The following STAT1 variants were observed in gnomAD, a reference collection of about 807,000 sequenced individuals.
The protein encoded by STAT1 is signal transducer and activator of transcription 1.
In STAT1, 24 loss-of-function variants were observed where a neutral mutation model predicts 111.7. That is an observed-to-expected ratio of 0.21 (90% CI 0.16 to 0.30). The LOEUF (loss-of-function observed/expected upper bound fraction) is 0.30. STAT1 is among the 10% of genes least tolerant of loss of function. The pLI is 1.00. For missense variants in STAT1, 351 were observed against 911.9 expected (o/e 0.38, Z 7.92); for synonymous variants, 332 against 326.5 (o/e 1.02, Z -0.18).
intron 2 of STAT1, among the ~76,000 whole-genome samples, chr2:191,013,068 C>A (rs142834386): frequency 4.4e-4 from 67 of 152,290 alleles, no homozygotes; most frequent in African/African-American, 9.1e-4. Context: ...TTTTTAACAT[C>A]TTATGGACCT....
chr2:191,010,299 T>A (rs1695023905), intron 2 of STAT1: 1 of 487,670 alleles, frequency 2.1e-6, no homozygotes, highest in Non-Finnish European at 4.2e-6. Flanking sequence ...CCTCCCACCC[T>A]GGAAACATGC....
Position 190,998,544 on chromosome 2 carries a change from C to A in STAT1, c.542-236G>T, listed in dbSNP as rs1694015621. On this transcript the variant is annotated intron_variant, in intron 7 of 24. Coordinates refer to ENST00000361099, the MANE Select transcript of STAT1 (RefSeq NM_007315.4). The surrounding 1 kb of genome is among the most constrained non-coding windows in gnomAD (Gnocchi z 4.1). Reference sequence around the variant, plus strand: ...GGGCGCAGTGGCAGACGCCTGTAGTCCCAGCTACTCGGGAGGCTGAGGCAG... The same window carrying A: ...GGGCGCAGTGGCAGACGCCTGTAGTACCAGCTACTCGGGAGGCTGAGGCAG... Among the ~76,000 whole-genome samples the A allele has an allele frequency of 6.6e-6, 1 of 152,022 alleles. No individual in the cohort carries two copies. The highest frequency in any genetic ancestry group is 1.5e-5 in the Non-Finnish European group (1 of 68,006).
rs1694510321 is a variant in STAT1, at chr2:191,004,287, C to T, written c.373-3124G>A. Among the ~76,000 whole-genome samples the T allele has an allele frequency of 6.6e-6, 1 of 152,228 alleles. No individual in the cohort carries two copies. Among genetic ancestry groups the T allele is most frequent in the Non-Finnish European group, 1.5e-5 (1 of 68,042 alleles). ...ACTGAAACCACGGGAATTTCAAACA[C>T]TGAAGTTGGAAGGGACTTCGGCTGT... On this transcript the variant is annotated intron_variant, in intron 5 of 24. Transcript: ENST00000361099. The surrounding 1 kb of genome is among the most constrained non-coding windows in gnomAD (Gnocchi z 5.0).
At chr2:190,985,757 G>A (rs1692753756) in intron 14 of STAT1, 97 bp from the exon 15 acceptor site, 2 of 1,270,320 alleles carry the variant, frequency 1.6e-6, no homozygotes, top group Non-Finnish European at 1.1e-6. Flanking sequence ...TAGAAAGAAT[G>A]ACAGACGTGA....
Position 190,980,578 on chromosome 2 carries a change from G to A in STAT1, c.1632+42C>T, listed in dbSNP as rs748920494. 1.0e-5 allele frequency: 16 copies of A among 1,603,616 alleles called. No individual in the cohort carries two copies. The East Asian group carries it at 2.9e-4, about 29-fold the overall frequency. On this transcript the variant is annotated intron_variant, in intron 19 of 24. Coordinates refer to ENST00000361099, the MANE Select transcript of STAT1 (RefSeq NM_007315.4). This position sits in a 1 kb window ranked among gnomAD's most constrained non-coding sequence, Gnocchi z 6.1. ...AGAAACATGAGAACCTCAACCAAGA[G>A]CAAAAAGGACTTAGAGAGCATAAAA... is the stretch of plus-strand genomic sequence containing the variant.
In STAT1 at chr2:190,975,642, A is replaced by G; in HGVS notation, c.2135+170T>C. On this transcript the variant is annotated intron_variant, in intron 23 of 24. Coordinates refer to ENST00000361099, the MANE Select transcript of STAT1 (RefSeq NM_007315.4). The surrounding 1 kb of genome is among the most constrained non-coding windows in gnomAD (Gnocchi z 5.9). ...GGTTTTTGGCTTTTTTTTTTTTTTT[A>G]AAGTAGTAAAATGCTGATAGGCAGT... 1 of 1,279,640 alleles carries G rather than the reference A, an allele frequency of 7.8e-7. No individual in the cohort carries two copies. The highest frequency in any genetic ancestry group is 1.6e-5 in the African/African-American group (1 of 63,510). 79.3% of individuals were successfully genotyped at this position (1,279,640 alleles called of 1,614,324 possible). A position where few individuals can be genotyped will look rare whatever the true frequency, so the allele number is the denominator to read the frequency against.
Position 190,993,379 on chromosome 2 carries a change from T to G in STAT1, c.944+1682A>C. 1 of 1,292,034 alleles carries G rather than the reference T, an allele frequency of 7.7e-7. No individual in the cohort carries two copies. Among genetic ancestry groups the G allele is most frequent in the Non-Finnish European group, 1.1e-6 (1 of 909,114 alleles). The allele number at this position is 1,292,034 out of a possible 1,614,324, so 80.0% of individuals were successfully genotyped here. ...TTTCCTGTTCTGCTGTGTTCCATATTTGAAGCTTGATTGTTTTCCCGTCTA... is the reference window on the plus strand; with the variant it reads ...TTTCCTGTTCTGCTGTGTTCCATATGTGAAGCTTGATTGTTTTCCCGTCTA... On this transcript the variant is annotated intron_variant, in intron 10 of 24. Coordinates refer to ENST00000361099, the MANE Select transcript of STAT1 (RefSeq NM_007315.4). The surrounding 1 kb of genome is among the most constrained non-coding windows in gnomAD (Gnocchi z 4.1).
rs1040045830 is a variant in STAT1 at position 191,012,020 on chromosome 2, G to C, written c.-2+1505C>G. On this transcript the variant is annotated intron_variant, in intron 2 of 24. Transcript: ENST00000361099. The surrounding 1 kb of genome is among the most constrained non-coding windows in gnomAD (Gnocchi z 4.0). Reference sequence around the variant, plus strand: ...TCCACCTCAGCCTCCCAAAGTGCTGGGATTACAGGCGTGAGCTTCCGCACC... The same window carrying C: ...TCCACCTCAGCCTCCCAAAGTGCTGCGATTACAGGCGTGAGCTTCCGCACC... Among the ~76,000 whole-genome samples, 1 of 151,796 alleles carries C rather than the reference G, an allele frequency of 6.6e-6. No homozygotes were observed. The highest frequency in any genetic ancestry group is 1.5e-5 in the Non-Finnish European group (1 of 67,950).
Position 191,000,174 on chromosome 2 carries a change from C to T in STAT1, c.463-470G>A, listed in dbSNP as rs1181287240. Among the ~76,000 whole-genome samples the T allele has an allele frequency of 6.6e-6, 1 of 152,256 alleles. No individual in the cohort carries two copies. The highest frequency in any genetic ancestry group is 1.5e-5 in the Non-Finnish European group (1 of 68,042). On this transcript the variant is annotated intron_variant, in intron 6 of 24. Coordinates refer to ENST00000361099, the MANE Select transcript of STAT1 (RefSeq NM_007315.4). The surrounding 1 kb of genome is among the most constrained non-coding windows in gnomAD (Gnocchi z 4.8). ...ATTATAAACAGTGCCCTCTTGGCGGCTCAAATGCATCTCCATCTGGACAAT... is the reference window on the plus strand; with the variant it reads ...ATTATAAACAGTGCCCTCTTGGCGGTTCAAATGCATCTCCATCTGGACAAT...
intron 4 of STAT1, among the ~76,000 whole-genome samples, chr2:191,008,209 C>T (rs1283242749): frequency 6.6e-6 from 1 of 150,706 alleles, no homozygotes; most frequent in Non-Finnish European, 1.5e-5. Flanking sequence ...TTTCCCCACT[C>T]GTAAATAAAA....
rs1308907797 is a variant in STAT1 at position 190,972,011 on chromosome 2, C to A, written c.2239-1294G>T. On this transcript the variant is annotated intron_variant, in intron 24 of 24. Coordinates refer to ENST00000361099, the MANE Select transcript of STAT1 (RefSeq NM_007315.4). ...TACAGGCGTGAGCCACCGCGCCCGG[C>A]CTGGCTGATGTTTCAAATGTGTGCT... Among the ~76,000 whole-genome samples, 3 of 152,068 alleles carry A rather than the reference C, an allele frequency of 2.0e-5. No homozygotes were observed. The East Asian group carries it at 5.8e-4, about 29-fold the overall frequency.
chr2:191,007,424 A>T lies in STAT1; in HGVS notation c.372+139T>A, dbSNP rs2125096565. ...TAAAGCCTGGTTCTATAAAATCTCT[A>T]AATCTGATTCTCCCACTTCTTGGGG... On this transcript the variant is annotated intron_variant, in intron 5 of 24. Coordinates refer to ENST00000361099, the MANE Select transcript of STAT1 (RefSeq NM_007315.4). The surrounding 1 kb of genome is among the most constrained non-coding windows in gnomAD (Gnocchi z 4.2). The T allele has an allele frequency of 2.9e-6, 2 of 683,378 alleles. No individual in the cohort carries two copies. Among genetic ancestry groups the T allele is most frequent in the East Asian group, 5.4e-5 (2 of 36,872 alleles). The allele number at this position is 683,378 out of a possible 1,614,324, so 42.3% of individuals were successfully genotyped here. A position where few individuals can be genotyped will look rare whatever the true frequency, so the allele number is the denominator to read the frequency against.
chr2:191,007,682 C>A lies in STAT1; in HGVS notation c.274-21G>T, dbSNP rs1037056540. ...TTATCCTAGATTTGAGTGGTTAGAA[C>A]AAAAATAAATTAAAATGCAGAATGT... is the stretch of plus-strand genomic sequence containing the variant. On this transcript the variant is annotated intron_variant, in intron 4 of 24. Transcript: ENST00000361099. This position sits in a 1 kb window ranked among gnomAD's most constrained non-coding sequence, Gnocchi z 4.2. The A allele has an allele frequency of 4.6e-6, 7 of 1,530,316 alleles. No individual in the cohort carries two copies. The highest frequency in any genetic ancestry group is 1.8e-6 in the Non-Finnish European group (2 of 1,104,874). The allele number at this position is 1,530,316 out of a possible 1,614,324, so 94.8% of individuals were successfully genotyped here.
In STAT1 at chr2:190,977,942, T is replaced by C. The variant is rs1259302183; in HGVS notation, c.1873+914A>G. Among the ~76,000 whole-genome samples the C allele has an allele frequency of 1.3e-5, 2 of 148,622 alleles. No individual in the cohort carries two copies. The highest frequency in any genetic ancestry group is 3.9e-4 in the East Asian group (2 of 5,078). On this transcript the variant is annotated intron_variant, in intron 21 of 24. Coordinates refer to ENST00000361099, the MANE Select transcript of STAT1 (RefSeq NM_007315.4). The surrounding 1 kb of genome is among the most constrained non-coding windows in gnomAD (Gnocchi z 4.7). ...AGAAAAACAAATAGAACAAGAAGAG[T>C]ATTCCTGAAAAATAAACAGAACAAG... is the stretch of plus-strand genomic sequence containing the variant.
Position 190,984,421 on chromosome 2 carries a change from G to T in STAT1, c.1264-28C>A, listed in dbSNP as rs746349792. On this transcript the variant is annotated intron_variant, in intron 15 of 24. Coordinates refer to ENST00000361099, the MANE Select transcript of STAT1 (RefSeq NM_007315.4). The surrounding 1 kb of genome is among the most constrained non-coding windows in gnomAD (Gnocchi z 5.2). The stretch of plus-strand genomic sequence containing the variant: ...TGGAAGAGAAAAGGAAAGAAGAAAA[G>T]AATATAATTATTCACAGATCCTAAA... The T allele has an allele frequency of 6.3e-6, 10 of 1,587,596 alleles. No homozygotes were observed. The highest frequency in any genetic ancestry group is 7.8e-6 in the Non-Finnish European group (9 of 1,156,500).
chr2:190,975,717 T>G lies in STAT1; in HGVS notation c.2135+95A>C. The stretch of plus-strand genomic sequence containing the variant: ...GCTGTGATGGCGATAGCAATTACAA[T>G]GGAAAAGTAAAATACAAGCATCTTC... On this transcript the variant is annotated intron_variant, in intron 23 of 24. Transcript: ENST00000361099. The surrounding 1 kb of genome is among the most constrained non-coding windows in gnomAD (Gnocchi z 5.9). 6.4e-7 allele frequency: 1 copy of G among 1,573,060 alleles called. No homozygotes were observed. The highest frequency in any genetic ancestry group is 8.6e-7 in the Non-Finnish European group (1 of 1,158,906).
rs1293839801 is a variant in STAT1, at chr2:190,977,440, T to C, written c.1874-415A>G. The stretch of plus-strand genomic sequence containing the variant: ...TTGTTTTTCTTTTCATATTGAAAAA[T>C]CTAATTTTTTATTAAAATAAATTAT... On this transcript the variant is annotated intron_variant, in intron 21 of 24. Coordinates refer to ENST00000361099, the MANE Select transcript of STAT1 (RefSeq NM_007315.4). This position sits in a 1 kb window ranked among gnomAD's most constrained non-coding sequence, Gnocchi z 4.7. 1.3e-5 allele frequency among the ~76,000 whole-genome samples: 2 copies of C among 152,222 alleles called. No individual in the cohort carries two copies. Among genetic ancestry groups the C allele is most frequent in the East Asian group, 1.9e-4 (1 of 5,204 alleles).
chr2:190,976,612 T>C lies in STAT1; in HGVS notation c.2059+228A>G, dbSNP rs1204196878. 6.6e-6 allele frequency among the ~76,000 whole-genome samples: 1 copy of C among 152,218 alleles called. No individual in the cohort carries two copies. The highest frequency in any genetic ancestry group is 2.4e-5 in the African/African-American group (1 of 41,448). The stretch of plus-strand genomic sequence containing the variant: ...AGTAACAAATACACAAGACCAGCAA[T>C]GGACTTTTCCAACATTCCTAAAATA... On this transcript the variant is annotated intron_variant, in intron 22 of 24. Transcript: ENST00000361099. This position sits in a 1 kb window ranked among gnomAD's most constrained non-coding sequence, Gnocchi z 6.0.
chr2:190,987,825 A>G lies in STAT1; in HGVS notation c.1098-757T>C, dbSNP rs1692978410. On this transcript the variant is annotated intron_variant, in intron 12 of 24. Coordinates refer to ENST00000361099, the MANE Select transcript of STAT1 (RefSeq NM_007315.4). This position sits in a 1 kb window ranked among gnomAD's most constrained non-coding sequence, Gnocchi z 4.0. ...AACCAGAAGTTCAATGCTTTTGTGAATGACAATCACCATTAGCTATGGAAG... is the reference window on the plus strand; with the variant it reads ...AACCAGAAGTTCAATGCTTTTGTGAGTGACAATCACCATTAGCTATGGAAG... 6.6e-6 allele frequency among the ~76,000 whole-genome samples: 1 copy of G among 152,218 alleles called. No individual in the cohort carries two copies. Among genetic ancestry groups the G allele is most frequent in the Non-Finnish European group, 1.5e-5 (1 of 68,036 alleles).
Sources: allele counts gnomAD v4.1 joint callset (sites outside exome capture counted in the v4.1 genomes callset), GRCh38; gene constraint gnomAD v4.1.1; non-coding constraint Gnocchi (gnomAD v3.1); transcripts MANE v1.5; gene names NCBI Gene and HGNC (gene_info 2026-07-23, HGNC 2026-07-21).